The following PTPRJ variants were observed in gnomAD, a reference collection of about 807,000 sequenced individuals.
PTPRJ encodes the protein protein tyrosine phosphatase receptor type J.
PTPRJ carries 129 observed loss-of-function variants against 141.3 expected under a neutral mutation model. The observed-to-expected ratio is 0.91, with a 90% confidence interval of 0.79 to 1.06. The LOEUF (loss-of-function observed/expected upper bound fraction) is 1.06. Among genes scored for constraint, PTPRJ ranks in the 50% least tolerant of loss-of-function variants. The pLI, the probability that PTPRJ is intolerant of heterozygous loss-of-function variation, is 0.00. For synonymous variants in PTPRJ, 610 were observed against 640.5 expected (o/e 0.95, Z 0.72); for missense variants, 1,601 against 1,679.7 (o/e 0.95, Z 0.82).
chr11:47,999,512 C>T (rs191590269), intron 1 of PTPRJ, among the ~76,000 whole-genome samples: 9 of 152,218 alleles, frequency 5.9e-5, no homozygotes, highest in Non-Finnish European at 7.4e-5. Flanking sequence ...CCTTAGAAGC[C>T]CCTTTAAGTG....
chr11:48,150,813 C>T (rs17198978), intron 18 of PTPRJ, among the ~76,000 whole-genome samples: 12,131 of 152,210 alleles, frequency 0.08, 699 homozygotes, highest in East Asian at 0.19. Flanking sequence ...ACTCGTCCTC[C>T]TGTGCTGCCC....
At chr11:48,133,109 AAC>A (rs1857017731) in intron 8 of PTPRJ, among the ~76,000 whole-genome samples, 1 of 152,184 alleles carries the variant, frequency 6.6e-6, no homozygotes, top group Non-Finnish European at 1.5e-5. Flanking sequence ...TTACATTTTT[AAC>A]ACAACTTCAT....
chr11:47,980,571 A>T lies in PTPRJ; in HGVS notation c.-342A>T, dbSNP rs1294309088. Reference sequence around the variant, plus strand: ...GGCTCCCTGCAGCAGCCCCAGCCGCATGACGCGCGGAGGAGGCAGCGGGAG... The same window carrying T: ...GGCTCCCTGCAGCAGCCCCAGCCGCTTGACGCGCGGAGGAGGCAGCGGGAG... On this transcript the variant is annotated 5_prime_UTR_variant, in exon 1 of 25. It removes an upstream start codon present in the reference 5' UTR. Transcript: ENST00000418331. 6.1e-6 allele frequency: 6 copies of T among 982,644 alleles called. No homozygotes were observed. The highest frequency in any genetic ancestry group is 3.5e-5 in the African/African-American group (2 of 56,898). The allele number at this position is 982,644 out of a possible 1,614,324, so 60.9% of individuals were successfully genotyped here. A position where few individuals can be genotyped will look rare whatever the true frequency, so the allele number is the denominator to read the frequency against.
intron 1 of PTPRJ, among the ~76,000 whole-genome samples, chr11:48,088,996 A>G (rs1179329128): frequency 6.6e-6 from 1 of 152,098 alleles, no homozygotes; most frequent in East Asian, 1.9e-4. Context: ...ACACACTTCT[A>G]TCTCCTAATT....
intron 1 of PTPRJ, among the ~76,000 whole-genome samples, chr11:48,038,958 G>T (rs1194640745): frequency 6.6e-6 from 1 of 151,022 alleles, no homozygotes; most frequent in Non-Finnish European, 1.5e-5. Context: ...AGACCAGCCT[G>T]GCCAACATGG....
At chr11:48,164,714 G>A (rs55881652) in intron 24 of PTPRJ, among the ~76,000 whole-genome samples, 199 bp downstream of exon 24, 66,644 of 151,570 alleles carry the variant, frequency 0.44, 17,582 homozygotes, top group Non-Finnish European at 0.57. Context: ...TTACAGGCAC[G>A]CACACCATGC....
At chr11:48,075,547 C>G (rs1216761365) in intron 1 of PTPRJ, among the ~76,000 whole-genome samples, 1 of 152,076 alleles carries the variant, frequency 6.6e-6, no homozygotes, top group Non-Finnish European at 1.5e-5. Context: ...CTTAGCCTCC[C>G]CAGTAGCTAG....
At position 48,131,031 on chromosome 11, in the gene PTPRJ, TACACAC is replaced by T. The variant is rs368230622; in HGVS notation, c.1615+331_1615+336del. Among the ~76,000 whole-genome samples the T allele has an allele frequency of 3.3e-3, 226 of 69,096 alleles. 1 individual carries two copies. The highest frequency in any genetic ancestry group is 4.2e-3 in the Non-Finnish European group (149 of 35,554). The allele number at this position is 69,096 out of a possible 152,430, so 45.3% of individuals were successfully genotyped here. ...TAATACATATATATTTAATATTTAA[TACACAC>T]ACACACACACACACATATATATATA... On this transcript the variant is annotated intron_variant, in intron 8 of 24. Coordinates refer to ENST00000418331, the MANE Select transcript of PTPRJ (RefSeq NM_002843.4).
At chr11:48,010,175 A>T (rs1443803810) in intron 1 of PTPRJ, among the ~76,000 whole-genome samples, 1 of 151,266 alleles carries the variant, frequency 6.6e-6, no homozygotes, top group Non-Finnish European at 1.5e-5. Context: ...TCAGTAATTT[A>T]TTTATTTATT....
intron 1 of PTPRJ, among the ~76,000 whole-genome samples, chr11:47,982,906 T>C (rs1210811833): frequency 6.6e-6 from 1 of 152,120 alleles, no homozygotes; most frequent in Non-Finnish European, 1.5e-5. Flanking sequence ...TCTTTTTTTT[T>C]TGGACACATT....
At chr11:48,090,824 G>C (rs1033368167) in intron 1 of PTPRJ, among the ~76,000 whole-genome samples, 5 of 152,012 alleles carry the variant, frequency 3.3e-5, no homozygotes, top group African/African-American at 1.2e-4. Context: ...CCCTGGTCCT[G>C]CCCGCCTGGT....
intron 24 of PTPRJ, among the ~76,000 whole-genome samples, chr11:48,166,424 C>T (rs1404347938): frequency 2.6e-5 from 4 of 151,956 alleles, no homozygotes; most frequent in Non-Finnish European, 5.9e-5. Context: ...AGCGATTCTC[C>T]TGCCTCAGCC....
Position 48,131,051 on chromosome 11 carries a change from CATAT to C in PTPRJ, c.1615+352_1615+355del, listed in dbSNP as rs1260358599. 2.4e-3 allele frequency among the ~76,000 whole-genome samples: 269 copies of C among 112,058 alleles called. 6 individuals carry two copies. Among genetic ancestry groups the C allele is most frequent in the African/African-American group, 6.7e-3 (167 of 25,034 alleles). The allele number at this position is 112,058 out of a possible 152,430, so 73.5% of individuals were successfully genotyped here. A position where few individuals can be genotyped will look rare whatever the true frequency, so the allele number is the denominator to read the frequency against. On this transcript the variant is annotated intron_variant, in intron 8 of 24. Coordinates refer to ENST00000418331, the MANE Select transcript of PTPRJ (RefSeq NM_002843.4). Reference sequence around the variant, plus strand: ...TTTAATACACACACACACACACACACATATATATATATATATATATTTTTTTTTT... The same window carrying C: ...TTTAATACACACACACACACACACACATATATATATATATATTTTTTTTTT...
chr11:48,126,505 A>G (rs1414020223), intron 6 of PTPRJ, among the ~76,000 whole-genome samples: 1 of 152,060 alleles, frequency 6.6e-6, no homozygotes, highest in African/African-American at 2.4e-5. Context: ...GGAGGCTGGA[A>G]GTCTGAGACT....
rs1306011043 is a variant in PTPRJ, at chr11:48,112,758, A to G, written c.127A>G (p.Ile43Val). 3.7e-6 allele frequency: 6 copies of G among 1,613,492 alleles called. No homozygotes were observed. The East Asian group carries it at 6.7e-5, about 18-fold the overall frequency. Residue 43 changes from isoleucine to valine, a missense_variant, in exon 3 of 25, where the codon ATT becomes GTT. Coordinates refer to ENST00000418331, the MANE Select transcript of PTPRJ (RefSeq NM_002843.4). ...CTTTCTTTGCATAGCCCCTAGTCCAATTCCTGACCCTTCAGTAGCAACTGT... is the reference window on the plus strand; with the variant it reads ...CTTTCTTTGCATAGCCCCTAGTCCAGTTCCTGACCCTTCAGTAGCAACTGT... ...ILCAGGTPSPIPDPSVATVAT... is the reference protein window; with the variant it reads ...ILCAGGTPSPVPDPSVATVAT...
chr11:48,093,116 G>A (rs1215125806), intron 1 of PTPRJ, among the ~76,000 whole-genome samples: 1 of 152,158 alleles, frequency 6.6e-6, no homozygotes, highest in African/African-American at 2.4e-5. Context: ...TACATAGCTG[G>A]ATTCGTTTTC....
intron 1 of PTPRJ, among the ~76,000 whole-genome samples, chr11:48,024,726 G>A (rs1853758160): frequency 6.6e-6 from 1 of 152,192 alleles, no homozygotes; most frequent in Admixed American, 6.5e-5. Flanking sequence ...GAATGTATGT[G>A]GATTGCTGAG....
intron 12 of PTPRJ, among the ~76,000 whole-genome samples, chr11:48,144,286 A>C (rs867876434): frequency 6.6e-6 from 1 of 152,196 alleles, no homozygotes; most frequent in Non-Finnish European, 1.5e-5. Flanking sequence ...CCATTGAGGA[A>C]GGCCATGTTG....
intron 1 of PTPRJ, among the ~76,000 whole-genome samples, chr11:48,090,019 A>G (rs1855824569): frequency 6.6e-6 from 1 of 152,232 alleles, no homozygotes; most frequent in Admixed American, 6.5e-5. Flanking sequence ...ATCTCATAGT[A>G]GGTATTGGTT....
Sources: gnomAD v4.1 joint callset for allele counts (sites outside exome capture counted in the v4.1 genomes callset) on GRCh38, gnomAD v4.1.1 for gene constraint, MANE v1.5 for transcripts, NCBI Gene and HGNC (gene_info 2026-07-23, HGNC 2026-07-21) for gene names.